PTCHD4: variants seen among roughly 807,000 people sequenced by gnomAD.
The protein encoded by PTCHD4 is patched domain-containing protein 4.
A neutral mutation model predicts 58.1 loss-of-function variants in PTCHD4; 33 were observed. The ratio of observed to expected loss-of-function variants is 0.57; its 90% CI spans 0.43 to 0.76. PTCHD4 has a LOEUF of 0.76. Ranked by LOEUF, PTCHD4 falls within the 30% of genes least tolerant of loss-of-function variation. PTCHD4 has a pLI of 0.00. For missense variants in PTCHD4, 1,058 were observed against 1,027.1 expected (o/e 1.03, Z -0.41); for synonymous variants, 478 against 409.6 (o/e 1.17, Z -2.02).
rs141284424 is a variant in PTCHD4 at position 48,099,800 on chromosome 6, T to G, written c.-970+11249A>C. Among the ~76,000 whole-genome samples, 7 of 152,352 alleles carry G rather than the reference T, an allele frequency of 4.6e-5. No individual in the cohort carries two copies. The East Asian group carries it at 1.4e-3, about 29-fold the overall frequency. ...GGTGTTTTGATGCAGAAGTTAAAAC[T>G]GAATTTGTTTATGCAGAGATTTAAT... On this transcript the variant is annotated intron_variant, in intron 1 of 4. Coordinates refer to ENST00000339488, the MANE Select transcript of PTCHD4 (RefSeq NM_001384253.1).
Position 47,861,803 on chromosome 6 carries a change from C to G in PTCHD4, c.*16500G>C, listed in dbSNP as rs1763431974. The stretch of plus-strand genomic sequence containing the variant: ...AAAGTATTCCGCTGAGCAATTTGAA[C>G]TGCTTTGTCCCTCACACAGGACTTT... On this transcript the variant is annotated 3_prime_UTR_variant, in exon 5 of 5. Transcript: ENST00000339488. 6.6e-6 allele frequency among the ~76,000 whole-genome samples: 1 copy of G among 151,916 alleles called. No homozygotes were observed. Among genetic ancestry groups the G allele is most frequent in the South Asian group, 2.1e-4 (1 of 4,826 alleles).
At chr6:47,903,749 A>G (rs750694544) in intron 4 of PTCHD4, among the ~76,000 whole-genome samples, 21 of 152,244 alleles carry the variant, frequency 1.4e-4, no homozygotes, top group Admixed American at 2.0e-4. Context: ...CATTCTAGTG[A>G]AAAAGACAAA....
chr6:47,982,453 G>C (rs1767912276), intron 4 of PTCHD4, among the ~76,000 whole-genome samples: 1 of 149,446 alleles, frequency 6.7e-6, no homozygotes, highest in South Asian at 2.1e-4. Flanking sequence ...ACAAATGAAG[G>C]TGTCACACTA....
At chr6:47,925,173 T>TTA (rs534078573) in intron 4 of PTCHD4, among the ~76,000 whole-genome samples, 18 of 146,804 alleles carry the variant, frequency 1.2e-4, no homozygotes, top group African/African-American at 2.3e-4. Flanking sequence ...TATGTGTATA[T>TTA]TATATATATG....
At chr6:47,964,313 T>C (rs1767205193) in intron 4 of PTCHD4, among the ~76,000 whole-genome samples, 1 of 150,508 alleles carries the variant, frequency 6.6e-6, no homozygotes, top group South Asian at 2.1e-4. Flanking sequence ...ATGTTAAGTG[T>C]TATTACCACA....
At chr6:48,025,104 T>C (rs937222725) in intron 3 of PTCHD4, among the ~76,000 whole-genome samples, 9 of 152,194 alleles carry the variant, frequency 5.9e-5, no homozygotes, top group Non-Finnish European at 4.4e-5. Context: ...CTATAGATAT[T>C]AAACATTCTT....
At chr6:48,087,456 G>A (rs916526152) in intron 1 of PTCHD4, among the ~76,000 whole-genome samples, 1 of 152,110 alleles carries the variant, frequency 6.6e-6, no homozygotes, top group African/African-American at 2.4e-5. Flanking sequence ...ATGTAATAAT[G>A]ATGCTGTTAA....
chr6:48,010,323 G>C (rs1204677819), intron 3 of PTCHD4, among the ~76,000 whole-genome samples: 1 of 152,108 alleles, frequency 6.6e-6, no homozygotes, highest in East Asian at 1.9e-4. Context: ...GAGTGGGTAG[G>C]GCAGAAGACA....
intron 3 of PTCHD4, among the ~76,000 whole-genome samples, chr6:48,055,725 C>T (rs1764385296): frequency 6.6e-6 from 1 of 152,172 alleles, no homozygotes; most frequent in Non-Finnish European, 1.5e-5. Flanking sequence ...TAGTTCAAAC[C>T]CTGAGCTTCT....
chr6:47,923,993 T>G (rs1163366894), intron 4 of PTCHD4, among the ~76,000 whole-genome samples: 1 of 152,184 alleles, frequency 6.6e-6, no homozygotes, highest in Non-Finnish European at 1.5e-5. Context: ...AAACTAACTC[T>G]GGATGGTCAG....
chr6:48,063,751 A>G (rs1764707440), intron 3 of PTCHD4, among the ~76,000 whole-genome samples: 1 of 152,240 alleles, frequency 6.6e-6, no homozygotes, highest in South Asian at 2.1e-4. Context: ...TTACTCAGTC[A>G]GAAAGGTAAG....
intron 4 of PTCHD4, chr6:47,900,587 G>C (rs1764664910): frequency 6.6e-6 from 1 of 152,030 alleles, no homozygotes; most frequent in Non-Finnish European, 1.5e-5. Context: ...TTTCTTGATG[G>C]TATTCATTGA....
At position 48,107,935 on chromosome 6, in the gene PTCHD4, A is replaced by T. The variant is rs181015702; in HGVS notation, c.-970+3114T>A. Among the ~76,000 whole-genome samples the T allele has an allele frequency of 3.3e-5, 5 of 152,342 alleles. No individual in the cohort carries two copies. The East Asian group carries it at 9.6e-4, about 29-fold the overall frequency. On this transcript the variant is annotated intron_variant, in intron 1 of 4. Coordinates refer to ENST00000339488, the MANE Select transcript of PTCHD4 (RefSeq NM_001384253.1). ...CACACCAGTTAGAATGGAGATCATT[A>T]AAAAGTCAGGAAACAACAGGTGCTG...
chr6:47,909,219 C>T (rs1764990811), intron 4 of PTCHD4, among the ~76,000 whole-genome samples: 1 of 152,098 alleles, frequency 6.6e-6, no homozygotes, highest in Admixed American at 6.6e-5. Flanking sequence ...AGAGAGAATA[C>T]ACATCAAACA....
chr6:47,950,187 A>G (rs1405464628), intron 4 of PTCHD4, among the ~76,000 whole-genome samples: 2 of 151,992 alleles, frequency 1.3e-5, no homozygotes, highest in East Asian at 1.9e-4. Flanking sequence ...AGTTTCATCC[A>G]TGTCCCTACA....
At chr6:47,885,812 G>C (rs1764173827) in intron 4 of PTCHD4, among the ~76,000 whole-genome samples, 1 of 152,116 alleles carries the variant, frequency 6.6e-6, no homozygotes, top group East Asian at 1.9e-4. Flanking sequence ...GGCCTAAAGA[G>C]AAGTTTTTCT....
Position 47,858,474 on chromosome 6 carries a change from A to G in PTCHD4, c.*19829T>C, listed in dbSNP as rs1763348370. On this transcript the variant is annotated 3_prime_UTR_variant, in exon 5 of 5. Transcript: ENST00000339488. ...AAATAAAAGTTATCACATCTCCCAA[A>G]CAACTATCATTTATGATACTTTCAG... is the stretch of plus-strand genomic sequence containing the variant. 6.6e-6 allele frequency among the ~76,000 whole-genome samples: 1 copy of G among 152,072 alleles called. No individual in the cohort carries two copies. Among genetic ancestry groups the G allele is most frequent in the South Asian group, 2.1e-4 (1 of 4,834 alleles).
chr6:48,086,637 G>C (rs534131337), intron 1 of PTCHD4, among the ~76,000 whole-genome samples: 2 of 152,118 alleles, frequency 1.3e-5, no homozygotes, highest in South Asian at 4.1e-4. Context: ...TAAACATTTT[G>C]TGTCTATGAG....
chr6:47,947,405 A>C (rs1766466294), intron 4 of PTCHD4, among the ~76,000 whole-genome samples: 1 of 151,942 alleles, frequency 6.6e-6, no homozygotes, highest in Admixed American at 6.6e-5. Context: ...TGTTTCTTTT[A>C]GTATCTCACA....
Sources: allele counts gnomAD v4.1 joint callset (sites outside exome capture counted in the v4.1 genomes callset), GRCh38; gene constraint gnomAD v4.1.1; transcripts MANE v1.5; gene names NCBI Gene and HGNC (gene_info 2026-07-23, HGNC 2026-07-21).